Variants in TMEM63C observed in about 807,000 individuals in gnomAD.
TMEM63C encodes osmosensitive cation channel TMEM63C.
In TMEM63C, 32 loss-of-function variants were observed where a neutral mutation model predicts 99.2. The observed-to-expected ratio is 0.32, with a 90% confidence interval of 0.24 to 0.43. The LOEUF is 0.43. Among genes scored for constraint, TMEM63C ranks in the 20% least tolerant of loss-of-function variants. The pLI is 1.00. For synonymous variants in TMEM63C, 376 were observed against 397.9 expected, an observed-to-expected ratio of 0.94 and a Z score of 0.66; for missense variants, 826 against 1,053.0, an observed-to-expected ratio of 0.78 and a Z score of 2.98.
At chr14:77,209,045 G>A (rs1224139205) in intron 1 of TMEM63C, among the ~76,000 whole-genome samples, 1 of 152,160 alleles carries the variant, frequency 6.6e-6, no homozygotes, top group Non-Finnish European at 1.5e-5. Context: ...CTCGGGGAAG[G>A]CTGGCTTCGA....
intron 6 of TMEM63C, among the ~76,000 whole-genome samples, chr14:77,231,294 T>C (rs370110): frequency 0.064 from 9,811 of 152,290 alleles, 410 homozygotes; most frequent in Admixed American, 0.1. Flanking sequence ...AATAAAAGGA[T>C]GAATGCATGC....
At chr14:77,233,144 G>A (rs1365745881) in intron 7 of TMEM63C, among the ~76,000 whole-genome samples, 3 of 152,166 alleles carry the variant, frequency 2.0e-5, no homozygotes, top group Non-Finnish European at 2.9e-5. Context: ...CATTCTGCTC[G>A]TGGCTGGATG....
Position 77,238,701 on chromosome 14 carries a change from G to A in TMEM63C, c.659G>A (p.Arg220Lys). 1 of 1,613,452 alleles carries A rather than the reference G, an allele frequency of 6.2e-7. No homozygotes were observed. The highest frequency in any genetic ancestry group is 8.5e-7 in the Non-Finnish European group (1 of 1,179,400). ...FAPRNSQKVT[R>K]TLMITYVPKD... ...TTTATTTTTCCCACCCAGGTCACAA[G>A]GACACTAATGATCACCTATGTGCCC... The change falls in exon 10 of 24, where the codon AGG (arginine) becomes AAG (lysine). Residue 220 changes from arginine to lysine, a missense_variant. Transcript: ENST00000298351.
intron 1 of TMEM63C, among the ~76,000 whole-genome samples, chr14:77,182,863 C>G (rs1887937488): frequency 6.6e-6 from 1 of 152,040 alleles, no homozygotes; most frequent in Admixed American, 6.6e-5. Context: ...GAGGAAGGCC[C>G]GTGCTGATGG....
intron 7 of TMEM63C, 65 bp downstream of exon 7, chr14:77,231,795 C>A: frequency 2.0e-6 from 3 of 1,534,566 alleles, no homozygotes; most frequent in South Asian, 2.4e-5. Context: ...GCAAGCCAGT[C>A]AGGGCTGGGG....
chr14:77,220,178 G>A (rs1231404258), intron 5 of TMEM63C, 91 bp downstream of exon 5: 1 of 1,275,172 alleles, frequency 7.8e-7, no homozygotes, highest in Non-Finnish European at 1.1e-6. Context: ...TTAGACCTTG[G>A]GGCTTTGTAA....
At chr14:77,207,638 T>G (rs1594853586) in intron 1 of TMEM63C, among the ~76,000 whole-genome samples, 2 of 152,348 alleles carry the variant, frequency 1.3e-5, no homozygotes, top group Middle Eastern at 6.8e-3. Context: ...TCTCTGAGCC[T>G]CAGTTTCTGT....
Position 77,246,649 on chromosome 14 carries a change from C to A in TMEM63C, c.1576C>A (p.Leu526Ile), listed in dbSNP as rs1375650069. Reference protein sequence around the residue: ...FLRWLFDIYYLEQASIRFQCV... With the variant: ...FLRWLFDIYYIEQASIRFQCV... The stretch of plus-strand genomic sequence containing the variant: ...CCGCTGGCTCTTTGACATCTACTAT[C>A]TAGAGCAAGCATCCATCAGGTTCCA... Residue 526 changes from leucine (L) to isoleucine (I), a missense_variant, in exon 18 of 24, where the codon CTA (leucine) becomes ATA (isoleucine). Coordinates refer to ENST00000298351, the MANE Select transcript of TMEM63C (RefSeq NM_020431.4). The A allele has an allele frequency of 6.2e-7, 1 of 1,613,418 alleles. No homozygotes were observed.
Position 77,256,546 on chromosome 14 carries a change from G to A in TMEM63C, c.2241G>A (p.Leu747=), listed in dbSNP as rs750845891. 1 of 1,613,988 alleles carries A rather than the reference G, an allele frequency of 6.2e-7. No homozygotes were observed. Among genetic ancestry groups the A allele is most frequent in the East Asian group, 2.2e-5 (1 of 44,880 alleles). The change falls in exon 24 of 24, where the codon CTG becomes CTA. Residue 747 remains leucine, a synonymous_variant. Transcript: ENST00000298351. The part of the protein sequence containing the change: ...PTSLLYVATV[L]QEPELNLTPA... ...AGCAGCTGTATGTGGCCACCGTGCT[G>A]CAAGAACCGGAGTTGAATCTGACCC...
intron 5 of TMEM63C, among the ~76,000 whole-genome samples, chr14:77,220,626 G>C (rs1443415189): frequency 1.3e-5 from 2 of 152,240 alleles, no homozygotes; most frequent in African/African-American, 4.8e-5. Context: ...TGGGAGCTGG[G>C]GACCAAGTCC....
intron 2 of TMEM63C, 93 bp from the exon 3 acceptor site, chr14:77,218,708 C>T (rs112033422): frequency 2.0e-5 from 27 of 1,364,848 alleles, no homozygotes; most frequent in Non-Finnish European, 2.5e-5. Context: ...CCGAGGCACT[C>T]GGTGCCCATC....
intron 5 of TMEM63C, among the ~76,000 whole-genome samples, chr14:77,224,715 C>T (rs1013566582): frequency 6.6e-6 from 1 of 152,150 alleles, no homozygotes; most frequent in African/African-American, 2.4e-5. Flanking sequence ...ACCCTCAGCA[C>T]ATGGCATCAA....
Position 77,220,094 on chromosome 14 carries a change from G to A in TMEM63C, c.312+7G>A, listed in dbSNP as rs777939512. 6.4e-7 allele frequency: 1 copy of A among 1,555,118 alleles called. No homozygotes were observed. The highest frequency in any genetic ancestry group is 8.7e-7 in the Non-Finnish European group (1 of 1,149,370). On this transcript the variant is annotated splice_region_variant and intron_variant, in intron 5 of 23. Transcript: ENST00000298351. Reference sequence around the variant, plus strand: ...GATGGAACGCAGAGACAAGGTGAGTGCTGGGAGCGGTCTGGGCGGTGGGAG... The same window carrying A: ...GATGGAACGCAGAGACAAGGTGAGTACTGGGAGCGGTCTGGGCGGTGGGAG...
chr14:77,193,609 C>T (rs1485513749), intron 1 of TMEM63C, among the ~76,000 whole-genome samples: 1 of 151,946 alleles, frequency 6.6e-6, no homozygotes, highest in African/African-American at 2.4e-5. Context: ...TCGAGGCGGG[C>T]GGATCACCTG....
At chr14:77,194,596 C>A (rs957237476) in intron 1 of TMEM63C, among the ~76,000 whole-genome samples, 3 of 92,428 alleles carry the variant, frequency 3.2e-5, no homozygotes, top group Non-Finnish European at 6.9e-5. Flanking sequence ...TTTTTGGAGA[C>A]AGGGTCTTGC....
chr14:77,215,187 T>A lies in TMEM63C; in HGVS notation c.-14+1679T>A, dbSNP rs542401502. 2.0e-5 allele frequency among the ~76,000 whole-genome samples: 3 copies of A among 152,204 alleles called. No individual in the cohort carries two copies. The South Asian group carries it at 6.2e-4, about 32-fold the overall frequency. Reference sequence around the variant, plus strand: ...AATCCTGCTCCATTTCCGTAATCCATCCTCTCTTATTCCCCTAGACTTCTA... The same window carrying A: ...AATCCTGCTCCATTTCCGTAATCCAACCTCTCTTATTCCCCTAGACTTCTA... On this transcript the variant is annotated intron_variant, in intron 2 of 23. Transcript: ENST00000298351.
chr14:77,246,423 C>T (rs1465585640), intron 17 of TMEM63C, among the ~76,000 whole-genome samples, 186 bp from the exon 18 acceptor site: 2 of 152,232 alleles, frequency 1.3e-5, no homozygotes, highest in Non-Finnish European at 2.9e-5. Flanking sequence ...TGGCCTTGAG[C>T]TGAAAGGCCA....
chr14:77,207,094 C>T (rs569206393), intron 1 of TMEM63C, among the ~76,000 whole-genome samples: 239 of 152,338 alleles, frequency 1.6e-3, no homozygotes, highest in Non-Finnish European at 2.6e-3. Context: ...ACCCCCTGGG[C>T]ACCATCATGG....
chr14:77,251,073 G>A (rs1462862726), intron 21 of TMEM63C, among the ~76,000 whole-genome samples: 2 of 152,156 alleles, frequency 1.3e-5, no homozygotes, highest in African/African-American at 4.8e-5. Flanking sequence ...TGTACCCTGA[G>A]GTTTTGTACT....
Sources: gnomAD v4.1 joint callset for allele counts (sites outside exome capture counted in the v4.1 genomes callset) on GRCh38, gnomAD v4.1.1 for gene constraint, MANE v1.5 for transcripts, NCBI Gene and HGNC (gene_info 2026-07-23, HGNC 2026-07-21) for gene names.